The following LRRC4C variants were observed in gnomAD, a reference collection of about 807,000 sequenced individuals.
LRRC4C encodes the protein leucine rich repeat containing 4C, also known as leucine-rich repeat-containing protein 4C.
In LRRC4C, 5 loss-of-function variants were observed where a neutral mutation model predicts 33.6. That is an observed-to-expected ratio of 0.15 (90% CI 0.08 to 0.31). The LOEUF (loss-of-function observed/expected upper bound fraction) is 0.31. Ranked by LOEUF, LRRC4C falls within the 10% of genes least tolerant of loss-of-function variation. The pLI is 1.00. For synonymous variants in LRRC4C, 329 were observed against 302.0 expected (o/e 1.09, Z -0.93); for missense variants, 560 against 796.7 (o/e 0.70, Z 3.58).
rs1956006844 is a variant in LRRC4C at position 41,451,127 on chromosome 11, G to A, written c.-496+8304C>T. 3.3e-5 allele frequency among the ~76,000 whole-genome samples: 5 copies of A among 152,294 alleles called. No homozygotes were observed. In the South Asian group the frequency reaches 1.0e-3, roughly 32 times the overall value. On this transcript the variant is annotated intron_variant, in intron 1 of 6. Transcript: ENST00000528697. ...TCCACATCATAACTGTGATAGAACA[G>A]TGAGTCTAGTAGGTGTTTAATAAAC...
At chr11:41,055,337 T>C (rs544851147) in intron 1 of LRRC4C, among the ~76,000 whole-genome samples, 2 of 152,234 alleles carry the variant, frequency 1.3e-5, no homozygotes, top group South Asian at 4.1e-4. Flanking sequence ...TTTGAGTTGT[T>C]TCCAGCTTGG....
chr11:40,402,962 C>A (rs1445041199), intron 3 of LRRC4C, among the ~76,000 whole-genome samples: 1 of 152,012 alleles, frequency 6.6e-6, no homozygotes. Flanking sequence ...AAACTTCTTG[C>A]CTTTTAGAGA....
intron 1 of LRRC4C, among the ~76,000 whole-genome samples, chr11:41,083,966 G>A (rs1196956068): frequency 6.6e-6 from 1 of 152,190 alleles, no homozygotes; most frequent in African/African-American, 2.4e-5. Flanking sequence ...CTGTATCACA[G>A]AGACGATGTC....
intron 2 of LRRC4C, among the ~76,000 whole-genome samples, chr11:40,760,842 C>T (rs1162478717): frequency 6.9e-6 from 1 of 144,766 alleles, no homozygotes; most frequent in East Asian, 2.0e-4. Context: ...TATATATATA[C>T]ACACACATAT....
intron 3 of LRRC4C, among the ~76,000 whole-genome samples, chr11:40,454,585 T>C (rs1952046670): frequency 6.6e-6 from 1 of 152,180 alleles, no homozygotes. Flanking sequence ...CTCTCTGTTT[T>C]GGACTTGTCT....
chr11:41,026,976 G>A lies in LRRC4C; in HGVS notation c.-495-93253C>T, dbSNP rs556199842. ...TTATTGCAATGTTCTGGAACCAAAC[G>A]CACACTCTCTCTTTTCTCTTGATAG... On this transcript the variant is annotated intron_variant, in intron 1 of 6. Coordinates refer to ENST00000528697, the MANE Select transcript of LRRC4C (RefSeq NM_001258419.2). 1.3e-3 allele frequency among the ~76,000 whole-genome samples: 199 copies of A among 151,534 alleles called. 1 individual carries two copies. The highest frequency in any genetic ancestry group is 3.5e-3 in the South Asian group (17 of 4,806).
At chr11:41,001,827 G>A (rs1219928766) in intron 1 of LRRC4C, among the ~76,000 whole-genome samples, 1 of 151,266 alleles carries the variant, frequency 6.6e-6, no homozygotes, top group Non-Finnish European at 1.5e-5. Flanking sequence ...AAACTTTCAG[G>A]TCAATGGGCT....
chr11:41,103,773 A>G (rs1941338899), intron 1 of LRRC4C, among the ~76,000 whole-genome samples: 2 of 151,986 alleles, frequency 1.3e-5, no homozygotes, highest in Admixed American at 6.6e-5. Flanking sequence ...TGGTGTTTGC[A>G]TAAGAATAGA....
At chr11:41,110,548 G>A (rs1048282868) in intron 1 of LRRC4C, among the ~76,000 whole-genome samples, 33 of 152,106 alleles carry the variant, frequency 2.2e-4, no homozygotes, top group African/African-American at 5.8e-4. Flanking sequence ...GTTTACCATC[G>A]CAGGCATACA....
intron 3 of LRRC4C, among the ~76,000 whole-genome samples, chr11:40,380,656 C>T (rs370607823): frequency 5.3e-5 from 8 of 152,152 alleles, no homozygotes; most frequent in East Asian, 3.9e-4. Flanking sequence ...GTAAAGTATC[C>T]GCTACCCTTC....
chr11:41,053,438 T>G (rs1389302715), intron 1 of LRRC4C, among the ~76,000 whole-genome samples: 2 of 152,168 alleles, frequency 1.3e-5, no homozygotes, highest in African/African-American at 2.4e-5. Context: ...AAGAAGATCC[T>G]TTCTTAGACA....
At chr11:40,694,101 G>C (rs182808013) in intron 2 of LRRC4C, among the ~76,000 whole-genome samples, 1 of 152,090 alleles carries the variant, frequency 6.6e-6, no homozygotes, top group Non-Finnish European at 1.5e-5. Flanking sequence ...TTTCTGCCAC[G>C]TACCGATGTA....
At chr11:41,364,970 AGTGT>A (rs372240682) in intron 1 of LRRC4C, among the ~76,000 whole-genome samples, 5 of 150,140 alleles carry the variant, frequency 3.3e-5, no homozygotes, top group Non-Finnish European at 5.9e-5. Flanking sequence ...AACACCATGG[AGTGT>A]GTGTGTGTGT....
At chr11:40,658,883 C>A (rs1479085292) in intron 2 of LRRC4C, among the ~76,000 whole-genome samples, 4 of 152,192 alleles carry the variant, frequency 2.6e-5, no homozygotes, top group Non-Finnish European at 5.9e-5. Flanking sequence ...CTGCAATGAC[C>A]ACTGTGGGGA....
chr11:40,430,546 C>G (rs1459163660), intron 3 of LRRC4C, among the ~76,000 whole-genome samples: 1 of 152,082 alleles, frequency 6.6e-6, no homozygotes, highest in African/African-American at 2.4e-5. Context: ...TACATAGATA[C>G]AATTGTCTTC....
intron 2 of LRRC4C, among the ~76,000 whole-genome samples, chr11:40,803,580 A>AT (rs753634916): frequency 1.8e-4 from 28 of 151,874 alleles, no homozygotes; most frequent in African/African-American, 4.8e-4. Context: ...CTATATGGTC[A>AT]TTTTTTTTAA....
At chr11:40,839,642 AAAG>A (rs1212661459) in intron 2 of LRRC4C, among the ~76,000 whole-genome samples, 1 of 152,206 alleles carries the variant, frequency 6.6e-6, no homozygotes, top group African/African-American at 2.4e-5. Context: ...TTGAATTTCC[AAAG>A]AAGGAGAGTC....
intron 4 of LRRC4C, among the ~76,000 whole-genome samples, chr11:40,278,086 T>G (rs1297380903): frequency 6.6e-6 from 1 of 152,194 alleles, no homozygotes; most frequent in African/African-American, 2.4e-5. Context: ...TAAGTAAGAA[T>G]TAAGTAAGTA....
intron 1 of LRRC4C, among the ~76,000 whole-genome samples, chr11:40,997,871 A>C (rs1049109529): frequency 6.6e-6 from 1 of 152,108 alleles, no homozygotes; most frequent in Non-Finnish European, 1.5e-5. Context: ...GAGCCTTTTT[A>C]AGGTTTCTCA....
Sources: gnomAD v4.1 joint callset for allele counts (sites outside exome capture counted in the v4.1 genomes callset) on GRCh38, gnomAD v4.1.1 for gene constraint, MANE v1.5 for transcripts, NCBI Gene and HGNC (gene_info 2026-07-23, HGNC 2026-07-21) for gene names.